Variants in KLHL15 observed in about 807,000 individuals in gnomAD.
KLHL15 encodes the protein kelch-like protein 15.
Under a neutral mutation model 29.3 loss-of-function variants are expected in KLHL15, and 1 was observed. The observed-to-expected ratio is 0.03, with a 90% CI of 0.01 to 0.16. KLHL15 has a LOEUF of 0.16. Ranked by LOEUF, KLHL15 falls within the 10% of genes least tolerant of loss-of-function variation. The probability of loss-of-function intolerance (pLI) is 1.00; values close to 1 mark genes in which losing one functional copy is unlikely to be tolerated. For missense variants in KLHL15, 215 were observed against 478.5 expected (o/e 0.45, Z 5.14); for synonymous variants, 212 against 184.5 (o/e 1.15, Z -1.21).
At chrX:24,013,295 C>T (rs1488576917) in intron 2 of KLHL15, among the ~76,000 whole-genome samples, 9 of 110,927 alleles carry the variant, frequency 8.1e-5, no homozygotes, top group Non-Finnish European at 1.7e-4. Flanking sequence ...CAGAGTCTCA[C>T]TCTGTTGCCC....
At chrX:24,024,820 G>A (rs1234929182) in intron 2 of KLHL15, 37 bp downstream of exon 2, 2 of 293,208 alleles carry the variant, frequency 6.8e-6, no homozygotes, top group African/African-American at 2.8e-5. Context: ...GGCGAAGCCC[G>A]GGCTCCGCAG....
At chrX:24,021,716 A>G (rs1434530069) in intron 2 of KLHL15, among the ~76,000 whole-genome samples, 1 of 111,488 alleles carries the variant, frequency 9.0e-6, no homozygotes, top group African/African-American at 3.3e-5. Context: ...GCCCAAGGCT[A>G]TAATTATTAG....
chrX:24,015,686 A>T (rs939957682), intron 2 of KLHL15, among the ~76,000 whole-genome samples: 1 of 112,534 alleles, frequency 8.9e-6, no homozygotes, highest in African/African-American at 3.2e-5. Flanking sequence ...CAAGCTACTC[A>T]GCCTCTCTGT....
At chrX:23,996,386 C>A (rs1379532734) in intron 3 of KLHL15, among the ~76,000 whole-genome samples, 1 of 112,277 alleles carries the variant, frequency 8.9e-6, no homozygotes, top group Non-Finnish European at 1.9e-5. Context: ...CCATATCAGG[C>A]CGGGCGTGGT....
chrX:24,009,140 C>A (rs1929520339), intron 2 of KLHL15, among the ~76,000 whole-genome samples: 1 of 111,287 alleles, frequency 9.0e-6, no homozygotes, highest in African/African-American at 3.3e-5. Context: ...AGGCGGATCA[C>A]TTGAGATCAG....
intron 3 of KLHL15, among the ~76,000 whole-genome samples, chrX:23,995,341 A>C (rs1373558628): frequency 1.1e-5 from 1 of 92,902 alleles, no homozygotes; most frequent in Non-Finnish European, 2.0e-5. Context: ...CGGAAGGTGG[A>C]GGTTGTGGTG....
At chrX:24,011,953 A>G (rs1371098530) in intron 2 of KLHL15, among the ~76,000 whole-genome samples, 1 of 112,803 alleles carries the variant, frequency 8.9e-6, no homozygotes, top group Non-Finnish European at 1.9e-5. Flanking sequence ...GTTCAAGACC[A>G]GCCTGGCCAA....
intron 2 of KLHL15, among the ~76,000 whole-genome samples, chrX:24,016,047 T>C (rs1054443738): frequency 6.5e-5 from 7 of 107,384 alleles, no homozygotes; most frequent in African/African-American, 2.4e-4. Context: ...AATCTAAAAC[T>C]TTTAAATTGG....
chrX:23,996,431 C>G (rs765265659), intron 3 of KLHL15, among the ~76,000 whole-genome samples: 1 of 111,676 alleles, frequency 9.0e-6, no homozygotes, highest in South Asian at 3.8e-4. Context: ...TTTGGGAGGC[C>G]AGGCGAGCGG....
intron 2 of KLHL15, among the ~76,000 whole-genome samples, chrX:24,020,913 AATC>A (rs1379242490): frequency 9.6e-6 from 1 of 103,987 alleles, no homozygotes; most frequent in Non-Finnish European, 2.0e-5. Context: ...ATTTCCTGCA[AATC>A]ATTAGTCTAT....
intron 2 of KLHL15, among the ~76,000 whole-genome samples, chrX:24,013,992 G>C (rs1213422548): frequency 9.1e-6 from 1 of 110,354 alleles, no homozygotes; most frequent in African/African-American, 3.3e-5. Flanking sequence ...GGTCTGCAGG[G>C]AGCAGTGGCT....
At chrX:24,022,167 T>C (rs1210718822) in intron 2 of KLHL15, among the ~76,000 whole-genome samples, 5 of 108,714 alleles carry the variant, frequency 4.6e-5, no homozygotes, top group Admixed American at 4.0e-4. Flanking sequence ...AAACCCCGTG[T>C]CTACTAAAAA....
At chrX:24,002,400 C>CT (rs1209084401) in intron 3 of KLHL15, among the ~76,000 whole-genome samples, 1 of 111,260 alleles carries the variant, frequency 9.0e-6, no homozygotes, top group Non-Finnish European at 1.9e-5. Context: ...AAAACTGAAA[C>CT]TGTAGTCTAG....
intron 3 of KLHL15, among the ~76,000 whole-genome samples, chrX:23,996,430 C>A (rs925661028): frequency 8.9e-6 from 1 of 111,866 alleles, no homozygotes; most frequent in African/African-American, 3.3e-5. Context: ...CTTTGGGAGG[C>A]CAGGCGAGCG....
rs1928939060 is a variant in KLHL15, at chrX:23,983,752, T to C, written c.*4169A>G. On this transcript the variant is annotated 3_prime_UTR_variant, in exon 4 of 4. Coordinates refer to ENST00000328046, the MANE Select transcript of KLHL15 (RefSeq NM_030624.3). ...GATTAAAAATATTTTATTTAAACTT[T>C]TCTTCATAAACACTTTTAACATTTT... 8.9e-6 allele frequency: 1 copy of C among 112,332 alleles called. No homozygotes were observed. The highest frequency in any genetic ancestry group is 1.9e-5 in the Non-Finnish European group (1 of 53,298). 9.3% of individuals were successfully genotyped at this position (112,332 alleles called of 1,213,427 possible).
Position 23,988,025 on chromosome X carries a change from T to C in KLHL15, c.1711A>G (p.Lys571Glu). The C allele has an allele frequency of 8.3e-7, 1 of 1,211,453 alleles. No homozygotes were observed. Among genetic ancestry groups the C allele is most frequent in the Non-Finnish European group, 1.1e-6 (1 of 895,310 alleles). The change falls in exon 4 of 4, where the codon AAG (lysine) becomes GAG (glutamate). Residue 571 changes from lysine to glutamate, a missense_variant. Coordinates refer to ENST00000328046, the MANE Select transcript of KLHL15 (RefSeq NM_030624.3). Reference protein sequence around the residue: ...LTFDPDENKWKEDEYPRMPCK... With the variant: ...LTFDPDENKWEEDEYPRMPCK... ...GGCATCCGAGGGTACTCATCTTCCTTCCACTTGTTTTCATCCGGATCAAAA... is the reference window on the plus strand; with the variant it reads ...GGCATCCGAGGGTACTCATCTTCCTCCCACTTGTTTTCATCCGGATCAAAA...
chrX:24,024,295 CAGTT>C (rs1467103999), intron 2 of KLHL15, among the ~76,000 whole-genome samples: 3 of 112,195 alleles, frequency 2.7e-5, no homozygotes, highest in Non-Finnish European at 3.8e-5. Flanking sequence ...GAGGCAGCAA[CAGTT>C]AGCCACTACA....
intron 3 of KLHL15, among the ~76,000 whole-genome samples, chrX:23,990,731 G>T (rs1336687943): frequency 9.1e-6 from 1 of 110,184 alleles, no homozygotes; most frequent in African/African-American, 3.3e-5. Flanking sequence ...AGTTTGGGAG[G>T]GAAGTCAAAA....
At chrX:24,005,931 G>T (rs372343424) in intron 3 of KLHL15, 58 bp downstream of exon 3, 1 of 882,166 alleles carries the variant, frequency 1.1e-6, no homozygotes, top group Non-Finnish European at 1.6e-6. Flanking sequence ...TATCTATAAA[G>T]ACATACACTG....
Sources: gnomAD v4.1 joint callset for allele counts (sites outside exome capture counted in the v4.1 genomes callset) on GRCh38, gnomAD v4.1.1 for gene constraint, MANE v1.5 for transcripts, NCBI Gene and HGNC (gene_info 2026-07-23, HGNC 2026-07-21) for gene names.